The following AP5Z1 variants were observed in gnomAD, a reference collection of about 807,000 sequenced individuals.
AP5Z1 encodes AP-5 complex subunit zeta-1.
In AP5Z1, 106 loss-of-function variants were observed where a neutral mutation model predicts 83.0. That is an observed-to-expected ratio of 1.28 (90% confidence interval 1.09 to 1.50). AP5Z1 has a LOEUF of 1.50. Ranked by LOEUF, AP5Z1 falls within the 40% of genes most tolerant of loss-of-function variation. The probability of loss-of-function intolerance (pLI) is 0.00; values close to 1 mark genes in which losing one functional copy is unlikely to be tolerated. For missense variants in AP5Z1, 1,565 were observed against 1,094.2 expected (o/e 1.43, Z -6.07); for synonymous variants, 751 against 514.1 (o/e 1.46, Z -6.23).
chr7:4,788,101 C>T (rs1413033894), intron 11 of AP5Z1, 53 bp from the exon 12 acceptor site: 4 of 1,468,438 alleles, frequency 2.7e-6, no homozygotes, highest in Admixed American at 5.0e-5. Flanking sequence ...ACGGGGGTGC[C>T]CTTGAGTGCA....
At chr7:4,790,625 T>A (rs1267853094) in intron 15 of AP5Z1, 34 bp downstream of exon 15, 1 of 1,612,346 alleles carries the variant, frequency 6.2e-7, no homozygotes, top group Non-Finnish European at 8.5e-7. Context: ...CAGCCGCTCC[T>A]GACCCAGGAG....
chr7:4,788,777 G>A (rs1274044004), intron 12 of AP5Z1, 63 bp from the exon 13 acceptor site: 12 of 1,403,814 alleles, frequency 8.5e-6, no homozygotes, highest in Admixed American at 2.3e-5. Flanking sequence ...TGGCGACGTG[G>A]CCCCGGCCTG....
At position 4,791,473 on chromosome 7, in the gene AP5Z1, G is replaced by A; in HGVS notation, c.*88G>A. On this transcript the variant is annotated 3_prime_UTR_variant, in exon 17 of 17. Transcript: ENST00000649063. ...GCCAGGCTGATAGGAGCTCAGGAGG[G>A]CGCGGGAGTCCTGGGAGAGGAGGCA... The A allele has an allele frequency of 4.1e-6, 6 of 1,475,770 alleles. No individual in the cohort carries two copies. Among genetic ancestry groups the A allele is most frequent in the Non-Finnish European group, 5.4e-6 (6 of 1,105,724 alleles). 91.4% of individuals were successfully genotyped at this position (1,475,770 alleles called of 1,614,324 possible).
intron 3 of AP5Z1, 33 bp downstream of exon 3, chr7:4,781,787 G>A (rs770673214): frequency 3.9e-5 from 58 of 1,504,442 alleles, no homozygotes; most frequent in African/African-American, 2.2e-4. Flanking sequence ...AGTTGGCACC[G>A]GATGGCTGCT....
chr7:4,788,141 T>C lies in AP5Z1; in HGVS notation c.1455-13T>C, dbSNP rs1438619952. On this transcript the variant is annotated splice_polypyrimidine_tract_variant and intron_variant, in intron 11 of 16. Coordinates refer to ENST00000649063, the MANE Select transcript of AP5Z1 (RefSeq NM_014855.3). ...CCGCATCCCAGCCTGGCCTTGGGCG[T>C]CTGTCCACGCAGGTCAGCACCGGCT... 2.6e-6 allele frequency: 4 copies of C among 1,514,744 alleles called. No homozygotes were observed. The highest frequency in any genetic ancestry group is 3.6e-6 in the Non-Finnish European group (4 of 1,125,446). The allele number at this position is 1,514,744 out of a possible 1,614,324, so 93.8% of individuals were successfully genotyped here. A position where few individuals can be genotyped will look rare whatever the true frequency, so the allele number is the denominator to read the frequency against.
rs1286977554 is a variant in AP5Z1 at position 4,789,743 on chromosome 7, G to GC, written c.1708-83dup. ...ACGAGGAGTCTCCAGCCCCTCACCT[G>GC]CCCCCCAGCCCTCACCATGGCTTCA... On this transcript the variant is annotated intron_variant, in intron 13 of 16. Transcript: ENST00000649063. 1.3e-5 allele frequency: 12 copies of GC among 959,282 alleles called. No homozygotes were observed. In the East Asian group the frequency reaches 1.9e-4, roughly 15 times the overall value. The allele number at this position is 959,282 out of a possible 1,614,324, so 59.4% of individuals were successfully genotyped here. A position where few individuals can be genotyped will look rare whatever the true frequency, so the allele number is the denominator to read the frequency against.
Position 4,786,311 on chromosome 7 carries a change from G to A in AP5Z1, c.1194G>A (p.Val398=), listed in dbSNP as rs765110748. The A allele has an allele frequency of 1.2e-6, 2 of 1,613,808 alleles. No individual in the cohort carries two copies. The highest frequency in any genetic ancestry group is 1.1e-5 in the South Asian group (1 of 91,072). The change falls in exon 10 of 17, where the codon GTG becomes GTA. Residue 398 remains valine (V), a synonymous_variant. Coordinates refer to ENST00000649063, the MANE Select transcript of AP5Z1 (RefSeq NM_014855.3). ...AGCACCTGTTCACCAGGATCCCGGTGGAGCAGTTCCACAGCCCCATGCTGG... is the reference window on the plus strand; with the variant it reads ...AGCACCTGTTCACCAGGATCCCGGTAGAGCAGTTCCACAGCCCCATGCTGG... ...VYQHLFTRIP[V]EQFHSPMLAF...
In AP5Z1 at chr7:4,783,276, A is replaced by C. The variant is rs921558677; in HGVS notation, c.367-40A>C. On this transcript the variant is annotated intron_variant, in intron 3 of 16. Transcript: ENST00000649063. ...CGAAATGGGGGAGCTGGTCTCTGGC[A>C]CAGGCCAGTACCCCAGCGTTTGCCC... 3.3e-6 allele frequency: 5 copies of C among 1,537,850 alleles called. No individual in the cohort carries two copies. In the Admixed American group the frequency reaches 5.9e-5, roughly 18 times the overall value.
In AP5Z1 at chr7:4,790,174, C is replaced by T. The variant is rs771643756; in HGVS notation, c.1805+245C>T. On this transcript the variant is annotated intron_variant, in intron 14 of 16. Transcript: ENST00000649063. ...TCCTCTTCAGGGTTAGCTCAGGTCC[C>T]TCTTCCCCGTCTTGTCCCCTGGGGT... 3 of 1,531,460 alleles carry T rather than the reference C, an allele frequency of 2.0e-6. No homozygotes were observed. In the Admixed American group the frequency reaches 5.9e-5, roughly 30 times the overall value. The allele number at this position is 1,531,460 out of a possible 1,614,324, so 94.9% of individuals were successfully genotyped here. A position where few individuals can be genotyped will look rare whatever the true frequency, so the allele number is the denominator to read the frequency against.
chr7:4,784,144 G>C, intron 5 of AP5Z1, 59 bp from the exon 6 acceptor site: 1 of 1,518,658 alleles, frequency 6.6e-7, no homozygotes, highest in Middle Eastern at 1.7e-4. Flanking sequence ...TTGTGCTAAA[G>C]GCTGGCGTTT....
intron 3 of AP5Z1, among the ~76,000 whole-genome samples, chr7:4,782,483 G>A (rs1444729670): frequency 1.3e-5 from 2 of 152,150 alleles, no homozygotes; most frequent in Non-Finnish European, 2.9e-5. Flanking sequence ...GATGGAGCTG[G>A]GCTTTTCCCT....
Position 4,777,426 on chromosome 7 carries a change from C to T in AP5Z1, c.41+1670C>T, listed in dbSNP as rs566241772. Among the ~76,000 whole-genome samples the T allele has an allele frequency of 3.1e-3, 468 of 152,106 alleles. 3 individuals carry two copies. Among genetic ancestry groups the T allele is most frequent in the African/African-American group, 0.01 (424 of 41,460 alleles). ...CTTTTGAGACAGAGTCTCCCTCTGT[C>T]GCCCAGGCTGGAGTACAATGGCGCA... On this transcript the variant is annotated intron_variant, in intron 1 of 16. Coordinates refer to ENST00000649063, the MANE Select transcript of AP5Z1 (RefSeq NM_014855.3).
intron 1 of AP5Z1, among the ~76,000 whole-genome samples, chr7:4,778,556 C>A (rs1781284304): frequency 6.6e-6 from 1 of 151,750 alleles, no homozygotes; most frequent in South Asian, 2.1e-4. Flanking sequence ...GCGTTGGGGT[C>A]TGTAGGAGTT....
intron 12 of AP5Z1, 177 bp from the exon 13 acceptor site, chr7:4,788,663 C>T (rs1284207231): frequency 3.3e-5 from 19 of 583,778 alleles, no homozygotes; most frequent in Middle Eastern, 2.6e-4. Flanking sequence ...TTTACTGTCC[C>T]GGGTGTGCTG....
chr7:4,789,808 C>CTGTT lies in AP5Z1; in HGVS notation c.1708-22_1708-19dup, dbSNP rs1444093415. On this transcript the variant is annotated intron_variant, in intron 13 of 16. Coordinates refer to ENST00000649063, the MANE Select transcript of AP5Z1 (RefSeq NM_014855.3). The stretch of plus-strand genomic sequence containing the variant: ...GCCTGCAGTGGGGGTGGGGCTGAGC[C>CTGTT]TGTTTCCCACTCCTGACCCCCAGGT... 2.6e-6 allele frequency: 4 copies of CTGTT among 1,545,332 alleles called. No homozygotes were observed. The South Asian group carries it at 3.6e-5, about 14-fold the overall frequency.
intron 11 of AP5Z1, 134 bp downstream of exon 11, chr7:4,787,910 C>G (rs149587243): frequency 6.3e-4 from 772 of 1,223,288 alleles, no homozygotes; most frequent in Non-Finnish European, 6.4e-4. Context: ...ACCAGTCCTC[C>G]CCTGCAAAGC....
chr7:4,785,652 T>C lies in AP5Z1; in HGVS notation c.1100T>C (p.Leu367Pro). ...VRGDPASVRV[L>P]LPLAHFFLSH... ...GGGGACCCGGCCTCTGTGCGGGTGCTGCTGCCCCTCGCCCACTTCTTCCTG... is the reference window on the plus strand; with the variant it reads ...GGGGACCCGGCCTCTGTGCGGGTGCCGCTGCCCCTCGCCCACTTCTTCCTG... The change falls in exon 9 of 17, where the codon CTG becomes CCG. Residue 367 changes from leucine to proline, a missense_variant. Transcript: ENST00000649063. 2 of 1,555,194 alleles carry C rather than the reference T, an allele frequency of 1.3e-6. No individual in the cohort carries two copies. Among genetic ancestry groups the C allele is most frequent in the South Asian group, 1.2e-5 (1 of 85,410 alleles).
At chr7:4,779,992 G>C (rs1484919505) in intron 1 of AP5Z1, among the ~76,000 whole-genome samples, 1 of 151,880 alleles carries the variant, frequency 6.6e-6, no homozygotes, top group Non-Finnish European at 1.5e-5. Flanking sequence ...TTTTGCCCAG[G>C]ATGGTCTCAG....
chr7:4,779,282 A>G (rs1230998561), intron 1 of AP5Z1, among the ~76,000 whole-genome samples: 1 of 146,034 alleles, frequency 6.8e-6, no homozygotes, highest in Admixed American at 6.9e-5. Context: ...CATAACGTAT[A>G]TAACGCATAT....
Sources: allele counts gnomAD v4.1 joint callset (sites outside exome capture counted in the v4.1 genomes callset), GRCh38; gene constraint gnomAD v4.1.1; transcripts MANE v1.5; gene names NCBI Gene and HGNC (gene_info 2026-07-23, HGNC 2026-07-21).